The following STXBP5L variants were observed in gnomAD, a reference collection of about 807,000 sequenced individuals.
The protein encoded by STXBP5L is syntaxin-binding protein 5-like.
STXBP5L carries 65 observed loss-of-function variants against 144.5 expected under a neutral mutation model. That is an observed-to-expected ratio of 0.45 (90% confidence interval 0.37 to 0.55). The LOEUF (loss-of-function observed/expected upper bound fraction) is 0.55. Among genes scored for constraint, STXBP5L ranks in the 20% least tolerant of loss-of-function variants. STXBP5L has a pLI of 0.00. For missense variants in STXBP5L, 1,298 were observed against 1,405.5 expected, an observed-to-expected ratio of 0.92 and a Z score of 1.22; for synonymous variants, 505 against 469.6, an observed-to-expected ratio of 1.08 and a Z score of -0.97.
intron 7 of STXBP5L, among the ~76,000 whole-genome samples, chr3:121,133,614 C>T (rs1281827778): frequency 6.6e-6 from 1 of 152,162 alleles, no homozygotes. Context: ...CTAGATTTGA[C>T]TCGCAAGAAA....
intron 5 of STXBP5L, among the ~76,000 whole-genome samples, chr3:121,068,976 C>A (rs1231514890): frequency 6.6e-6 from 1 of 152,046 alleles, no homozygotes; most frequent in African/African-American, 2.4e-5. Flanking sequence ...CAATTCACCC[C>A]ATATGTTAAT....
At chr3:121,173,441 C>G (rs1189228692) in intron 9 of STXBP5L, among the ~76,000 whole-genome samples, 1 of 151,922 alleles carries the variant, frequency 6.6e-6, no homozygotes, top group East Asian at 1.9e-4. Flanking sequence ...TATCAGAGAA[C>G]TCAGGTTGTA....
intron 10 of STXBP5L, among the ~76,000 whole-genome samples, chr3:121,211,682 G>T (rs1388058344): frequency 2.0e-5 from 3 of 148,874 alleles, no homozygotes; most frequent in African/African-American, 4.9e-5. Context: ...GGGTTCAAGC[G>T]ATTCTCCTGC....
intron 20 of STXBP5L, among the ~76,000 whole-genome samples, chr3:121,376,733 T>C (rs2046194749): frequency 6.6e-6 from 1 of 152,220 alleles, no homozygotes; most frequent in South Asian, 2.1e-4. Flanking sequence ...TTTGGTTCCA[T>C]ATGAAACTTA....
chr3:121,225,599 G>A (rs2049098516), intron 11 of STXBP5L, among the ~76,000 whole-genome samples: 1 of 151,916 alleles, frequency 6.6e-6, no homozygotes, highest in Non-Finnish European at 1.5e-5. Flanking sequence ...CAAATGTGTT[G>A]GCTACCCTGA....
chr3:121,316,997 A>G (rs548757447), intron 19 of STXBP5L, among the ~76,000 whole-genome samples: 1 of 152,200 alleles, frequency 6.6e-6, no homozygotes. Flanking sequence ...CTCTTATAGC[A>G]ACTCTGTGGA....
At chr3:121,027,706 A>G (rs565203146) in intron 3 of STXBP5L, among the ~76,000 whole-genome samples, 60 of 152,120 alleles carry the variant, frequency 3.9e-4, no homozygotes, top group African/African-American at 1.4e-3. Flanking sequence ...ATAATCCAAG[A>G]TAATCTCCCC....
chr3:121,372,738 T>C (rs1324042891), intron 20 of STXBP5L, among the ~76,000 whole-genome samples: 1 of 152,056 alleles, frequency 6.6e-6, no homozygotes, highest in Admixed American at 6.5e-5. Flanking sequence ...CCCAGTATCC[T>C]GGTCTCTTGG....
intron 2 of STXBP5L, among the ~76,000 whole-genome samples, chr3:120,914,408 A>G (rs1372844674): frequency 6.6e-6 from 1 of 152,094 alleles, no homozygotes; most frequent in Non-Finnish European, 1.5e-5. Flanking sequence ...TAACTTCTGC[A>G]GGGAAATGGA....
chr3:121,295,674 T>C (rs1325275593), intron 19 of STXBP5L, among the ~76,000 whole-genome samples: 1 of 152,166 alleles, frequency 6.6e-6, no homozygotes, highest in Non-Finnish European at 1.5e-5. Flanking sequence ...AATAACATTG[T>C]ACCCCAGGGA....
chr3:121,053,665 G>T (rs947667338), intron 5 of STXBP5L, among the ~76,000 whole-genome samples: 3 of 152,116 alleles, frequency 2.0e-5, no homozygotes, highest in Non-Finnish European at 4.4e-5. Flanking sequence ...TACCATTCAG[G>T]ACATAGGCAT....
chr3:121,121,534 A>C (rs1325458784), intron 6 of STXBP5L, 107 bp from the exon 7 acceptor site: 1 of 756,784 alleles, frequency 1.3e-6, no homozygotes, highest in Non-Finnish European at 2.1e-6. Context: ...TAACCCTAGA[A>C]TGGTGGGATT....
At chr3:121,390,191 A>G (rs1474285043) in intron 22 of STXBP5L, among the ~76,000 whole-genome samples, 1 of 152,116 alleles carries the variant, frequency 6.6e-6, no homozygotes, top group Non-Finnish European at 1.5e-5. Context: ...CTGTTTTATC[A>G]GAGACTAGGA....
intron 9 of STXBP5L, among the ~76,000 whole-genome samples, chr3:121,178,064 C>A (rs934705254): frequency 3.3e-5 from 5 of 151,996 alleles, no homozygotes; most frequent in South Asian, 2.1e-4. Flanking sequence ...ATATAAGGTA[C>A]CTATACTATC....
chr3:121,043,701 C>G (rs1947314637), intron 4 of STXBP5L, among the ~76,000 whole-genome samples: 2 of 150,862 alleles, frequency 1.3e-5, no homozygotes, highest in Non-Finnish European at 2.9e-5. Context: ...GAGCGAGACT[C>G]CATCTCAAAA....
At chr3:121,009,714 C>T (rs1316140726) in intron 3 of STXBP5L, among the ~76,000 whole-genome samples, 1 of 151,890 alleles carries the variant, frequency 6.6e-6, no homozygotes, top group Non-Finnish European at 1.5e-5. Context: ...CTTAGTTGGG[C>T]CTAATTCTGA....
rs903776032 is a variant in STXBP5L at position 120,979,950 on chromosome 3, T to G, written c.287+24913T>G. Among the ~76,000 whole-genome samples, 3 of 152,234 alleles carry G rather than the reference T, an allele frequency of 2.0e-5. No homozygotes were observed. The East Asian group carries it at 5.8e-4, about 29-fold the overall frequency. ...TGTTTTCATTTGTTTCAAAAAAATT[T>G]AAATTCCTAGCCTAATTTCATTATT... On this transcript the variant is annotated intron_variant, in intron 3 of 26. Transcript: ENST00000471454.
chr3:121,298,855 G>A (rs1426702795), intron 19 of STXBP5L, among the ~76,000 whole-genome samples: 2 of 152,196 alleles, frequency 1.3e-5, no homozygotes, highest in African/African-American at 4.8e-5. Flanking sequence ...TGTGAATATG[G>A]TAAACAGTAC....
At chr3:120,944,204 C>A (rs1710726026) in intron 2 of STXBP5L, among the ~76,000 whole-genome samples, 2 of 149,274 alleles carry the variant, frequency 1.3e-5, no homozygotes, top group Non-Finnish European at 1.5e-5. Flanking sequence ...TTGGAAAAGT[C>A]AGTAAGTAGC....
Sources: gnomAD v4.1 joint callset for allele counts (sites outside exome capture counted in the v4.1 genomes callset) on GRCh38, gnomAD v4.1.1 for gene constraint, MANE v1.5 for transcripts, NCBI Gene and HGNC (gene_info 2026-07-23, HGNC 2026-07-21) for gene names.